Variants in ARRDC5 observed in about 807,000 individuals in gnomAD.
The protein encoded by ARRDC5 is arrestin domain containing 5.
In ARRDC5, 12 loss-of-function variants were observed where a neutral mutation model predicts 13.3. That is an observed-to-expected ratio of 0.90 (90% CI 0.58 to 1.46). The LOEUF (loss-of-function observed/expected upper bound fraction) is 1.46, where lower values mean the gene tolerates loss of function less well. Among genes scored for constraint, ARRDC5 ranks in the 40% most tolerant of loss-of-function variants. ARRDC5 has a pLI of 0.00. For missense variants in ARRDC5, 406 were observed against 418.7 expected (o/e 0.97, Z 0.26); for synonymous variants, 181 against 173.4 (o/e 1.04, Z -0.34).
chr19:4,893,187 A>T (rs895808560), intron 2 of ARRDC5, among the ~76,000 whole-genome samples: 1 of 141,812 alleles, frequency 7.1e-6, no homozygotes, highest in Non-Finnish European at 1.5e-5. Flanking sequence ...AATATATTAT[A>T]ATAATATAAC....
At chr19:4,911,995 G>A in the ARRDC5 span, among the ~76,000 whole-genome samples, 1 of 152,150 alleles carries the variant, frequency 6.6e-6, no homozygotes, top group African/African-American at 2.4e-5. Context: ...TAAACACTGC[G>A]CCCGGCCAGG....
chr19:4,896,864 C>T lies in ARRDC5; in HGVS notation c.266G>A (p.Ser89Asn), dbSNP rs1424550931. The change falls in exon 2 of 3, where the codon AGT becomes AAT. Residue 89 changes from serine (S) to asparagine (N), a missense_variant. Coordinates refer to ENST00000650722, the MANE Select transcript of ARRDC5 (RefSeq NM_001080523.3). Reference sequence around the variant, plus strand: ...GAAGTCAAAGGTGTGGCTGCCTGCACTTAACCAATTATCTGAAAGCAAAAC... The same window carrying T: ...GAAGTCAAAGGTGTGGCTGCCTGCATTTAACCAATTATCTGAAAGCAAAAC... ...KTFPVEDNWL[S>N]AGSHTFDFHF... 3.1e-6 allele frequency: 5 copies of T among 1,613,004 alleles called. No homozygotes were observed. Among genetic ancestry groups the T allele is most frequent in the Non-Finnish European group, 4.2e-6 (5 of 1,179,452 alleles).
Position 4,891,084 on chromosome 19 carries a change from C to T in ARRDC5, c.949G>A (p.Asp317Asn). 6.2e-7 allele frequency: 1 copy of T among 1,613,752 alleles called. No homozygotes were observed. Residue 317 changes from aspartate (D) to asparagine (N), a missense_variant, in exon 3 of 3, where the codon GAC (aspartate) becomes AAC (asparagine). Asp to Asn is a conservative substitution (Grantham distance 23). Transcript: ENST00000650722. ...TCTGGGTTCACGGGTAACACTCCGT[C>T]CTCTGACAGCTGGCAGATGGCAGAG... Reference protein sequence around the residue: ...VDSAICQLSEDGVLPVNPDHQ... With the variant: ...VDSAICQLSENGVLPVNPDHQ...
chr19:4,890,795 C>G lies in ARRDC5; in HGVS notation c.*251G>C, dbSNP rs1280530558. On this transcript the variant is annotated 3_prime_UTR_variant, in exon 3 of 3. Coordinates refer to ENST00000650722, the MANE Select transcript of ARRDC5 (RefSeq NM_001080523.3). ...TGAGACCCCAGTAGGCTGGGGCAGA[C>G]TCAGGGTGGAAAAGGCAGGTTATGC... is the stretch of plus-strand genomic sequence containing the variant. 1 of 459,700 alleles carries G rather than the reference C, an allele frequency of 2.2e-6. No individual in the cohort carries two copies. The highest frequency in any genetic ancestry group is 4.0e-5 in the Admixed American group (1 of 25,214). The allele number at this position is 459,700 out of a possible 1,614,324, so 28.5% of individuals were successfully genotyped here.
chr19:4,909,700 A>AC, the ARRDC5 span: 1 of 507,236 alleles, frequency 2.0e-6, no homozygotes, highest in Non-Finnish European at 3.4e-6. Flanking sequence ...GGCCGGGCGC[A>AC]CGGGGCTCGG....
chr19:4,902,572 C>T lies in ARRDC5; in HGVS notation c.253+1G>A, dbSNP rs750818849. 1.2e-6 allele frequency: 2 copies of T among 1,613,388 alleles called. No homozygotes were observed. Among genetic ancestry groups the T allele is most frequent in the South Asian group, 1.1e-5 (1 of 91,084 alleles). ...GGGGTGGCTGTTGGCCTCGTCCTTA[C>T]CCTCCACTGGGAATGTCTTTGTCTT... On this transcript the variant is annotated splice_donor_variant, in intron 1 of 2. Transcript: ENST00000650722. LOFTEE classifies it high-confidence loss of function.
At chr19:4,912,424 C>T in the ARRDC5 span, among the ~76,000 whole-genome samples, 3 of 152,246 alleles carry the variant, frequency 2.0e-5, no homozygotes, top group Admixed American at 6.5e-5. Flanking sequence ...AGGTCAGTGG[C>T]GGGTTGGACT....
At chr19:4,895,373 A>C (rs2031673383) in intron 2 of ARRDC5, among the ~76,000 whole-genome samples, 1 of 145,548 alleles carries the variant, frequency 6.9e-6, no homozygotes, top group African/African-American at 2.5e-5. Flanking sequence ...TATTGAGCCA[A>C]GATTGCGCCA....
At chr19:4,909,689 G>A in the ARRDC5 span, 1 of 510,744 alleles carries the variant, frequency 2.0e-6, no homozygotes. Context: ...GTGCCAGCCC[G>A]GGCCGGGCGC....
chr19:4,900,123 T>TC (rs941670401), intron 1 of ARRDC5, among the ~76,000 whole-genome samples: 2 of 144,282 alleles, frequency 1.4e-5, no homozygotes, highest in Admixed American at 7.0e-5. Flanking sequence ...CGGCCAGCAG[T>TC]CTTTTTTTTC....
intron 2 of ARRDC5, 129 bp downstream of exon 2, chr19:4,896,542 G>A (rs2031740594): frequency 1.5e-6 from 1 of 669,730 alleles, no homozygotes; most frequent in Non-Finnish European, 2.6e-6. Context: ...GAAATCTCGG[G>A]GCCTGGGAAG....
the ARRDC5 span, among the ~76,000 whole-genome samples, chr19:4,912,124 T>G: frequency 6.6e-6 from 1 of 152,206 alleles, no homozygotes; most frequent in Non-Finnish European, 1.5e-5. Context: ...AGAGACGTGA[T>G]GACTTGAGTC....
At chr19:4,901,955 C>T (rs2031931803) in intron 1 of ARRDC5, among the ~76,000 whole-genome samples, 1 of 152,078 alleles carries the variant, frequency 6.6e-6, no homozygotes, top group African/African-American at 2.4e-5. Flanking sequence ...GGTGCGATCT[C>T]AGCTTACTGG....
At chr19:4,911,929 G>A in the ARRDC5 span, among the ~76,000 whole-genome samples, 2 of 152,272 alleles carry the variant, frequency 1.3e-5, no homozygotes, top group East Asian at 1.9e-4. Context: ...ACCCCACTGT[G>A]TTGTTGTTGG....
chr19:4,895,422 CAAAAAAA>C (rs1039157516), intron 2 of ARRDC5, among the ~76,000 whole-genome samples: 8,958 of 70,626 alleles, frequency 0.13, 330 homozygotes, highest in Admixed American at 0.26. Context: ...GACTCCGTCT[CAAAAAAA>C]AAAAAAAAAA....
chr19:4,904,400 C>T (rs946384912), upstream of ARRDC5, among the ~76,000 whole-genome samples: 1 of 152,094 alleles, frequency 6.6e-6, no homozygotes, highest in Non-Finnish European at 1.5e-5. Flanking sequence ...AGGATGGTCT[C>T]AATCTCCTGA....
At chr19:4,910,703 T>G in the ARRDC5 span, 1 of 581,676 alleles carries the variant, frequency 1.7e-6, no homozygotes, top group Non-Finnish European at 2.8e-6. Flanking sequence ...AAGTGCTTAA[T>G]TTGTTGTGTC....
At chr19:4,909,385 C>T in the ARRDC5 span, 2 of 632,704 alleles carry the variant, frequency 3.2e-6, no homozygotes, top group Non-Finnish European at 5.7e-6. Context: ...CGCCCCCCAC[C>T]CTCTTTCTCG....
At chr19:4,902,460 C>A in intron 1 of ARRDC5, 113 bp downstream of exon 1, 1 of 1,027,108 alleles carries the variant, frequency 9.7e-7, no homozygotes. Flanking sequence ...AGAAATCAGG[C>A]CACTCCCTAT....
Sources: gnomAD v4.1 joint callset for allele counts (sites outside exome capture counted in the v4.1 genomes callset) on GRCh38, gnomAD v4.1.1 for gene constraint, MANE v1.5 for transcripts, NCBI Gene and HGNC (gene_info 2026-07-23, HGNC 2026-07-21) for gene names.